Variants in ZSCAN30 observed in about 807,000 individuals in gnomAD.
ZSCAN30 encodes zinc finger and SCAN domain-containing protein 30.
ZSCAN30 carries 37 observed loss-of-function variants against 44.3 expected under a neutral mutation model. The ratio of observed to expected loss-of-function variants is 0.84; its 90% CI spans 0.64 to 1.10. The LOEUF is 1.10. Among genes scored for constraint, ZSCAN30 ranks in the 50% least tolerant of loss-of-function variants. The probability of loss-of-function intolerance (pLI) is 0.00; values close to 1 mark genes in which losing one functional copy is unlikely to be tolerated. For synonymous variants in ZSCAN30, 181 were observed against 204.6 expected, an observed-to-expected ratio of 0.88 and a Z score of 0.98; for missense variants, 549 against 582.6, an observed-to-expected ratio of 0.94 and a Z score of 0.59.
In ZSCAN30 at chr18:35,253,979, T is replaced by C. The variant is rs751800376; in HGVS notation, c.956A>G (p.His319Arg). 3.3e-5 allele frequency: 53 copies of C among 1,614,134 alleles called. No homozygotes were observed. Among genetic ancestry groups the C allele is most frequent in the Non-Finnish European group, 4.1e-5 (48 of 1,180,042 alleles). Residue 319 changes from histidine (H) to arginine (R), a missense_variant, in exon 4 of 4, where the codon CAT (histidine) becomes CGT (arginine). Physicochemically the swap from His to Arg is conservative, Grantham distance 29. Coordinates refer to ENST00000333206, the MANE Select transcript of ZSCAN30 (RefSeq NM_001112734.4). ...TCTCTCTCCAGTATGAATTCTCTGA[T>C]GTCTAATCAGCTTTGAGCTCTGGCA... The part of the protein sequence containing the change: ...AFCQSSKLIR[H>R]QRIHTGERPY...
At chr18:35,272,222 C>T (rs775750990) in intron 1 of ZSCAN30, among the ~76,000 whole-genome samples, 9 of 152,188 alleles carry the variant, frequency 5.9e-5, no homozygotes, top group Non-Finnish European at 1.2e-4. Context: ...TAGAGACAAG[C>T]TTTCACCATG....
intron 1 of ZSCAN30, chr18:35,269,239 A>G (rs1197375774): frequency 6.6e-6 from 1 of 152,204 alleles, no homozygotes. Context: ...GTTGCATGGC[A>G]AGAGTAATGC....
At chr18:35,288,703 G>A (rs1306404239) in intron 1 of ZSCAN30, among the ~76,000 whole-genome samples, 1 of 152,140 alleles carries the variant, frequency 6.6e-6, no homozygotes, top group Non-Finnish European at 1.5e-5. Context: ...ACAAAAACAA[G>A]GACATTCTGT....
chr18:35,269,287 C>T (rs2044224007), intron 1 of ZSCAN30: 1 of 152,176 alleles, frequency 6.6e-6, no homozygotes, highest in African/African-American at 2.4e-5. Context: ...CAGTGTTTGA[C>T]TCTTGCATAC....
At chr18:35,276,314 CT>C in intron 1 of ZSCAN30, among the ~76,000 whole-genome samples, 1 of 151,134 alleles carries the variant, frequency 6.6e-6, no homozygotes. Flanking sequence ...TTTTAAATTA[CT>C]AACTCAATCT....
chr18:35,265,048 AGGCAGGAGAAT>A (rs1446293700), intron 1 of ZSCAN30, among the ~76,000 whole-genome samples: 1 of 151,994 alleles, frequency 6.6e-6, no homozygotes, highest in East Asian at 1.9e-4. Flanking sequence ...TGGGAGGCTG[AGGCAGGAGAAT>A]GGCATGAACC....
At chr18:35,271,189 G>T (rs1370273010) in intron 1 of ZSCAN30, among the ~76,000 whole-genome samples, 4 of 152,114 alleles carry the variant, frequency 2.6e-5, no homozygotes, top group Non-Finnish European at 5.9e-5. Flanking sequence ...CTGCTTGCTG[G>T]GGCAGCCGGC....
chr18:35,288,924 G>A (rs1350479894), intron 1 of ZSCAN30, among the ~76,000 whole-genome samples: 1 of 151,656 alleles, frequency 6.6e-6, no homozygotes, highest in Non-Finnish European at 1.5e-5. Flanking sequence ...TTAAATATTT[G>A]CTGTTTATGT....
chr18:35,265,948 G>A (rs1342787733), intron 1 of ZSCAN30, among the ~76,000 whole-genome samples: 3 of 152,168 alleles, frequency 2.0e-5, no homozygotes, highest in Non-Finnish European at 4.4e-5. Flanking sequence ...AGTCTGATAT[G>A]AGTGAGCTGA....
In ZSCAN30 at chr18:35,264,440, A is replaced by G; in HGVS notation, c.-88T>C. 7.5e-7 allele frequency: 1 copy of G among 1,338,990 alleles called. No homozygotes were observed. Among genetic ancestry groups the G allele is most frequent in the Middle Eastern group, 2.2e-4 (1 of 4,528 alleles). 82.9% of individuals were successfully genotyped at this position (1,338,990 alleles called of 1,614,324 possible). On this transcript the variant is annotated 5_prime_UTR_variant, in exon 2 of 4. Transcript: ENST00000333206. ...TCTGAGAGATTCCTTCTGAATTCCA[A>G]CTCCCCAGGACGCTCCTGAGGGTGG...
intron 1 of ZSCAN30, among the ~76,000 whole-genome samples, chr18:35,277,863 C>T (rs1394208440): frequency 6.6e-6 from 1 of 152,108 alleles, no homozygotes; most frequent in Non-Finnish European, 1.5e-5. Context: ...TTCCTTCCTT[C>T]TGCTGTTCTG....
In ZSCAN30 at chr18:35,253,327, A is replaced by G. The variant is rs559718297; in HGVS notation, c.*123T>C. 2 of 692,454 alleles carry G rather than the reference A, an allele frequency of 2.9e-6. No homozygotes were observed. The highest frequency in any genetic ancestry group is 2.3e-6 in the Non-Finnish European group (1 of 428,510). 42.9% of individuals were successfully genotyped at this position (692,454 alleles called of 1,614,324 possible). On this transcript the variant is annotated 3_prime_UTR_variant, in exon 4 of 4. Transcript: ENST00000333206. ...AACATCTTTGTGTGCATGTCTTCTT[A>G]TAGTACCGAACTGGGAGGGAAGGAC...
chr18:35,270,505 CAT>C (rs978758734), intron 1 of ZSCAN30, among the ~76,000 whole-genome samples: 1 of 152,226 alleles, frequency 6.6e-6, no homozygotes, highest in Non-Finnish European at 1.5e-5. Context: ...TACTTTTAAA[CAT>C]ATTCCTTGAG....
At chr18:35,267,831 C>A (rs1691195549) in intron 1 of ZSCAN30, 1 of 152,010 alleles carries the variant, frequency 6.6e-6, no homozygotes, top group Admixed American at 6.5e-5. Context: ...AAACCGAGAA[C>A]CCATGATCTC....
Position 35,254,193 on chromosome 18 carries a change from T to G in ZSCAN30, c.742A>C (p.Ser248Arg). The G allele has an allele frequency of 1.2e-6, 2 of 1,614,212 alleles. No homozygotes were observed. The highest frequency in any genetic ancestry group is 1.7e-6 in the Non-Finnish European group (2 of 1,180,018). Residue 248 changes from serine (S) to arginine (R), a missense_variant, in exon 4 of 4, where the codon AGT (serine) becomes CGT (arginine). Coordinates refer to ENST00000333206, the MANE Select transcript of ZSCAN30 (RefSeq NM_001112734.4). ...QKGNAAGNKISQLPSQDRHFS... is the reference protein window; with the variant it reads ...QKGNAAGNKIRQLPSQDRHFS... ...TGTCTGTCCTGGGAAGGAAGCTGAC[T>G]GATTTTGTTCCCTGCAGCATTTCCC...
chr18:35,289,656 G>C (rs1003558485), intron 1 of ZSCAN30: 1 of 152,174 alleles, frequency 6.6e-6, no homozygotes, highest in Non-Finnish European at 1.5e-5. Context: ...TGATCAGTGA[G>C]AATTGTTCTA....
Position 35,251,422 on chromosome 18 carries a change from G to A in ZSCAN30, c.*2028C>T, listed in dbSNP as rs13298. On this transcript the variant is annotated 3_prime_UTR_variant, in exon 4 of 4. Coordinates refer to ENST00000333206, the MANE Select transcript of ZSCAN30 (RefSeq NM_001112734.4). ...GAAAGATCCCTTTAGACTTCTGATCGACCTCACTCGATAACTGCACAACCT... is the reference window on the plus strand; with the variant it reads ...GAAAGATCCCTTTAGACTTCTGATCAACCTCACTCGATAACTGCACAACCT... 0.23 allele frequency: 35,126 copies of A among 151,936 alleles called. 4,785 individuals carry two copies. Among genetic ancestry groups the A allele is most frequent in the Non-Finnish European group, 0.3 (20,582 of 67,938 alleles). The allele number at this position is 151,936 out of a possible 1,614,324, so 9.4% of individuals were successfully genotyped here.
intron 3 of ZSCAN30, chr18:35,261,191 A>G (rs570431665): frequency 6.6e-6 from 1 of 152,072 alleles, no homozygotes; most frequent in Non-Finnish European, 1.5e-5. Flanking sequence ...TCAGATCTCT[A>G]TTCTGTTCCA....
intron 1 of ZSCAN30, chr18:35,282,100 G>A (rs1279637316): frequency 6.6e-6 from 1 of 152,148 alleles, no homozygotes; most frequent in East Asian, 1.9e-4. Flanking sequence ...GGTGGGCAAT[G>A]ATATACACCC....
Sources: gnomAD v4.1 joint callset for allele counts (sites outside exome capture counted in the v4.1 genomes callset) on GRCh38, gnomAD v4.1.1 for gene constraint, MANE v1.5 for transcripts, NCBI Gene and HGNC (gene_info 2026-07-23, HGNC 2026-07-21) for gene names.